The following ROCK1 variants were observed in gnomAD, a reference collection of about 807,000 sequenced individuals.
ROCK1 encodes rho-associated protein kinase 1.
In ROCK1, 36 loss-of-function variants were observed where a neutral mutation model predicts 196.8. The observed-to-expected ratio is 0.18, with a 90% CI of 0.14 to 0.24. The LOEUF is 0.24. Ranked by LOEUF, ROCK1 falls within the 10% of genes least tolerant of loss-of-function variation. The pLI is 1.00. For missense variants in ROCK1, 920 were observed against 1,562.0 expected, an observed-to-expected ratio of 0.59 and a Z score of 6.93; for synonymous variants, 443 against 515.9, an observed-to-expected ratio of 0.86 and a Z score of 1.91.
chr18:20,955,263 A>T lies in ROCK1; in HGVS notation c.3513-18T>A. The T allele has an allele frequency of 6.3e-7, 1 of 1,589,174 alleles. No individual in the cohort carries two copies. Among genetic ancestry groups the T allele is most frequent in the Non-Finnish European group, 8.6e-7 (1 of 1,167,830 alleles). Reference sequence around the variant, plus strand: ...ACAGTTTACTAAAATGAAAATAAATACAGGCCATTTACAAAAACTCATTTA... The same window carrying T: ...ACAGTTTACTAAAATGAAAATAAATTCAGGCCATTTACAAAAACTCATTTA... On this transcript the variant is annotated intron_variant, in intron 29 of 32. Transcript: ENST00000399799.
At chr18:20,990,984 T>C (rs968007004) in intron 18 of ROCK1, among the ~76,000 whole-genome samples, 192 bp downstream of exon 18, 1 of 152,168 alleles carries the variant, frequency 6.6e-6, no homozygotes, top group Non-Finnish European at 1.5e-5. Flanking sequence ...GGTCTCAAAC[T>C]CCCGGCCTCA....
chr18:21,094,513 A>G (rs375568619), intron 1 of ROCK1, among the ~76,000 whole-genome samples: 49 of 151,754 alleles, frequency 3.2e-4, no homozygotes, highest in African/African-American at 8.7e-4. Context: ...CTTTGGGAGG[A>G]GGATCATTAA....
chr18:20,951,257 A>T lies in ROCK1; in HGVS notation c.*127T>A. 1 of 803,248 alleles carries T rather than the reference A, an allele frequency of 1.2e-6. No individual in the cohort carries two copies. Among genetic ancestry groups the T allele is most frequent in the East Asian group, 2.6e-5 (1 of 37,968 alleles). The allele number at this position is 803,248 out of a possible 1,614,324, so 49.8% of individuals were successfully genotyped here. A position where few individuals can be genotyped will look rare whatever the true frequency, so the allele number is the denominator to read the frequency against. On this transcript the variant is annotated 3_prime_UTR_variant, in exon 33 of 33. Transcript: ENST00000399799. ...TGTGCCAAAGCAAGGACAGAAAAACAGCAATCTTAACCCTGAAGCCTGTGA... is the reference window on the plus strand; with the variant it reads ...TGTGCCAAAGCAAGGACAGAAAAACTGCAATCTTAACCCTGAAGCCTGTGA...
intron 12 of ROCK1, 27 bp downstream of exon 12, chr18:21,020,124 T>C: frequency 7.1e-7 from 1 of 1,406,980 alleles, no homozygotes; most frequent in Middle Eastern, 1.8e-4. Flanking sequence ...AAACTTTTAA[T>C]ATGAAAAACT....
rs2035768558 is a variant in ROCK1, at chr18:21,006,351, C to T, written c.1885G>A (p.Ala629Thr). The T allele has an allele frequency of 6.2e-7, 1 of 1,607,408 alleles. No homozygotes were observed. Among genetic ancestry groups the T allele is most frequent in the African/African-American group, 1.3e-5 (1 of 74,622 alleles). The part of the protein sequence containing the change: ...HDSEMIGDLQ[A>T]RITSLQEEVK... ...TTACCACAATAAGAAAAAATATTAC[C>T]TTGAAGGTCTCCAATCATCTCAGAA... The change falls in exon 16 of 33, where the codon GCT (alanine) becomes ACT (threonine). Residue 629 changes from alanine to threonine, a missense_variant and splice_region_variant. This residue lies in a region of ROCK1 where 520 missense variants were observed against 657.1 expected (regional missense o/e 0.79). Coordinates refer to ENST00000399799, the MANE Select transcript of ROCK1 (RefSeq NM_005406.3).
intron 27 of ROCK1, among the ~76,000 whole-genome samples, chr18:20,963,038 A>G (rs533003524): frequency 3.4e-4 from 51 of 152,234 alleles, no homozygotes; most frequent in African/African-American, 1.0e-3. Context: ...TCCATCTTTT[A>G]TATCACAAGC....
intron 4 of ROCK1, among the ~76,000 whole-genome samples, chr18:21,046,963 C>T (rs1462056381): frequency 6.6e-6 from 1 of 152,128 alleles, no homozygotes; most frequent in African/African-American, 2.4e-5. Context: ...GGGGCCACCA[C>T]ACCCGGCCCA....
At chr18:21,038,615 A>ATT (rs2036078096) in intron 9 of ROCK1, among the ~76,000 whole-genome samples, 10 of 152,244 alleles carry the variant, frequency 6.6e-5, no homozygotes, top group Admixed American at 6.5e-4. Context: ...CTAGATAGGC[A>ATT]GTCCTTAAGA....
intron 13 of ROCK1, among the ~76,000 whole-genome samples, chr18:21,008,773 A>C (rs2035790443): frequency 6.6e-6 from 1 of 152,196 alleles, no homozygotes; most frequent in Non-Finnish European, 1.5e-5. Context: ...TATCATTCTA[A>C]CTTTTAGTTA....
At chr18:21,008,313 A>C in intron 13 of ROCK1, 119 bp from the exon 14 acceptor site, 1 of 718,922 alleles carries the variant, frequency 1.4e-6, no homozygotes, top group Non-Finnish European at 2.1e-6. Flanking sequence ...ACTTAAGATG[A>C]ATGTTCTGTT....
intron 27 of ROCK1, among the ~76,000 whole-genome samples, chr18:20,961,640 G>A (rs1455293153): frequency 6.6e-6 from 1 of 152,034 alleles, no homozygotes; most frequent in Non-Finnish European, 1.5e-5. Context: ...TCGCAAACAA[G>A]CTCTGCAGTT....
intron 9 of ROCK1, among the ~76,000 whole-genome samples, chr18:21,037,729 CAATATAATAAAATGCCACTG>C (rs1276746613): frequency 6.6e-6 from 1 of 152,022 alleles, no homozygotes; most frequent in African/African-American, 2.4e-5. Flanking sequence ...GGAGGTACAG[CAATATAATAAAATGCCACTG>C]ATCTGGACTC....
chr18:21,081,183 A>G (rs1048398937), intron 1 of ROCK1, among the ~76,000 whole-genome samples: 3 of 152,180 alleles, frequency 2.0e-5, no homozygotes, highest in Non-Finnish European at 4.4e-5. Context: ...TCCAATCACA[A>G]TGGAATGAAA....
chr18:20,969,765 C>A (rs2035408811), intron 23 of ROCK1, among the ~76,000 whole-genome samples: 1 of 152,068 alleles, frequency 6.6e-6, no homozygotes, highest in Admixed American at 6.6e-5. Context: ...GAAGTTAAAG[C>A]CAACTTTGCC....
Position 21,006,752 on chromosome 18 carries a change from CTTTCT to C in ROCK1, c.1580_1584del (p.Lys527SerfsTer9). 6.2e-7 allele frequency: 1 copy of C among 1,606,200 alleles called. No homozygotes were observed. Among genetic ancestry groups the C allele is most frequent in the Non-Finnish European group, 8.5e-7 (1 of 1,177,596 alleles). Reference sequence around the variant, plus strand: ...TTAGCAAGCTGTGAATTCTGACTGACTTTCTTTAAGTCTTCCAACTGATCCTTTAA... The same window carrying C: ...TTAGCAAGCTGTGAATTCTGACTGACTTAAGTCTTCCAACTGATCCTTTAA... On this transcript the variant is annotated frameshift_variant, in exon 15 of 33. Transcript: ENST00000399799. LOFTEE classifies it high-confidence loss of function.
chr18:21,073,063 CAAAAAAAAAAAAAAAAAAAAA>C (rs541290068), intron 1 of ROCK1, among the ~76,000 whole-genome samples: 30 of 32,746 alleles, frequency 9.2e-4, no homozygotes, highest in South Asian at 6.0e-3. Flanking sequence ...ACTCCGTCTC[CAAAAAAAAAAAAAAAAAAAAA>C]AAAAAAAAAA....
chr18:20,966,647 T>C (rs1335982310), intron 27 of ROCK1, among the ~76,000 whole-genome samples: 13 of 152,220 alleles, frequency 8.5e-5, no homozygotes, highest in Non-Finnish European at 7.3e-5. Context: ...GGACTTAGGC[T>C]GCTCAAAATA....
intron 1 of ROCK1, among the ~76,000 whole-genome samples, chr18:21,078,062 C>T (rs560853094): frequency 1.3e-5 from 2 of 152,342 alleles, no homozygotes; most frequent in South Asian, 4.1e-4. Flanking sequence ...GGCACAGTGG[C>T]TCATGCCTGT....
intron 1 of ROCK1, among the ~76,000 whole-genome samples, chr18:21,095,641 T>C (rs2036606786): frequency 6.6e-6 from 1 of 151,032 alleles, no homozygotes; most frequent in South Asian, 2.1e-4. Flanking sequence ...ATTTGTGGGA[T>C]CTAAAACTCA....
Sources: allele counts gnomAD v4.1 joint callset (sites outside exome capture counted in the v4.1 genomes callset), GRCh38; gene constraint gnomAD v4.1.1; regional missense constraint gnomAD v4.1.1; transcripts MANE v1.5; gene names NCBI Gene and HGNC (gene_info 2026-07-23, HGNC 2026-07-21).